Variants in LUC7L2 observed in about 807,000 individuals in gnomAD.
LUC7L2 encodes the protein putative RNA-binding protein Luc7-like 2.
A neutral mutation model predicts 52.8 loss-of-function variants in LUC7L2; 25 were observed. The ratio of observed to expected loss-of-function variants is 0.47; its 90% CI spans 0.34 to 0.66. LUC7L2 has a LOEUF of 0.66. LUC7L2 is among the 30% of genes least tolerant of loss of function. The pLI is 0.01. For synonymous variants in LUC7L2, 144 were observed against 160.9 expected, an observed-to-expected ratio of 0.89 and a Z score of 0.80; for missense variants, 328 against 497.8, an observed-to-expected ratio of 0.66 and a Z score of 3.25.
intron 2 of LUC7L2, among the ~76,000 whole-genome samples, chr7:139,383,885 T>C (rs555587121): frequency 3.2e-4 from 48 of 150,324 alleles, no homozygotes; most frequent in African/African-American, 1.1e-3. Context: ...AGGTGCCCGC[T>C]ACCATGCCTG....
At chr7:139,371,541 G>A in intron 1 of LUC7L2, 1 of 1,449,506 alleles carries the variant, frequency 6.9e-7, no homozygotes, top group Non-Finnish European at 9.3e-7. Context: ...TGTATGGGAG[G>A]GAGAGGGTGG....
chr7:139,355,130 G>T (rs1218765356), upstream of LUC7L2, among the ~76,000 whole-genome samples: 1 of 151,746 alleles, frequency 6.6e-6, no homozygotes, highest in Non-Finnish European at 1.5e-5. Context: ...CAAAGTGTGG[G>T]GATTACAGGT....
intron 6 of LUC7L2, among the ~76,000 whole-genome samples, chr7:139,409,143 A>T (rs554244318): frequency 3.9e-5 from 6 of 152,176 alleles, no homozygotes; most frequent in African/African-American, 1.4e-4. Context: ...TCTAAAAAAA[A>T]AATAATAAGA....
intron 1 of LUC7L2, among the ~76,000 whole-genome samples, chr7:139,369,490 A>T (rs966945213): frequency 1.3e-5 from 2 of 152,196 alleles, no homozygotes; most frequent in African/African-American, 4.8e-5. Flanking sequence ...TATTAATATA[A>T]TGAGAGAAGA....
At chr7:139,350,208 G>A (rs548737673) in intron 1 of LUC7L2, among the ~76,000 whole-genome samples, 25 of 152,010 alleles carry the variant, frequency 1.6e-4, no homozygotes, top group Admixed American at 9.2e-4. Flanking sequence ...TGCAAGCTCC[G>A]CCTCCCGGGT....
At chr7:139,360,454 G>A in intron 1 of LUC7L2, 132 bp downstream of exon 1, 1 of 740,722 alleles carries the variant, frequency 1.4e-6, no homozygotes, top group Non-Finnish European at 2.2e-6. Context: ...CGAGGTCCCC[G>A]TCCCCCGTCC....
At chr7:139,399,768 C>T (rs1240172685) in intron 3 of LUC7L2, among the ~76,000 whole-genome samples, 2 of 151,654 alleles carry the variant, frequency 1.3e-5, no homozygotes, top group African/African-American at 4.8e-5. Context: ...GGCACCCGGC[C>T]GTTTGGGGGA....
chr7:139,360,076 C>A lies in LUC7L2; in HGVS notation c.-186C>A. 1.8e-6 allele frequency: 1 copy of A among 555,006 alleles called. No individual in the cohort carries two copies. The highest frequency in any genetic ancestry group is 3.2e-6 in the Non-Finnish European group (1 of 314,582). The allele number at this position is 555,006 out of a possible 1,614,324, so 34.4% of individuals were successfully genotyped here. Reference sequence around the variant, plus strand: ...CGGGGGCTGTCGTCTTCCACGTACACGTCGTCGTGAGGAGCGCAGTCCGGA... The same window carrying A: ...CGGGGGCTGTCGTCTTCCACGTACAAGTCGTCGTGAGGAGCGCAGTCCGGA... On this transcript the variant is annotated 5_prime_UTR_variant, in exon 1 of 10. Transcript: ENST00000354926.
chr7:139,344,076 T>G (rs1799139118), intron 1 of LUC7L2, among the ~76,000 whole-genome samples: 1 of 152,068 alleles, frequency 6.6e-6, no homozygotes, highest in African/African-American at 2.4e-5. Flanking sequence ...CTCACAGCCT[T>G]GAATACAGAA....
intron 1 of LUC7L2, among the ~76,000 whole-genome samples, chr7:139,345,182 A>G (rs1799212888): frequency 6.6e-6 from 1 of 152,098 alleles, no homozygotes; most frequent in Admixed American, 6.5e-5. Flanking sequence ...TCTACCATTA[A>G]CCAACCTCTG....
rs1179570613 is a variant in LUC7L2, at chr7:139,414,195, GA to G, written c.809+1618del. ...AGCCAGGATGAGCCTTTAAATAAATGAAATACATCACATCAGCCCTCTGATT... is the reference window on the plus strand; with the variant it reads ...AGCCAGGATGAGCCTTTAAATAAATGAATACATCACATCAGCCCTCTGATT... On this transcript the variant is annotated intron_variant, in intron 8 of 9. Transcript: ENST00000354926. Among the ~76,000 whole-genome samples the G allele has an allele frequency of 2.6e-5, 4 of 152,162 alleles. No individual in the cohort carries two copies. In the East Asian group the frequency reaches 7.7e-4, roughly 29 times the overall value.
intron 2 of LUC7L2, among the ~76,000 whole-genome samples, chr7:139,378,574 C>CAAA (rs397756398): frequency 1.3e-5 from 2 of 151,018 alleles, no homozygotes; most frequent in African/African-American, 4.9e-5. Context: ...GACCCTGCCT[C>CAAA]AAAAAAAAGA....
chr7:139,344,641 T>C (rs926459476), intron 1 of LUC7L2, among the ~76,000 whole-genome samples: 4 of 152,056 alleles, frequency 2.6e-5, no homozygotes, highest in African/African-American at 9.7e-5. Context: ...CCTTCATTTG[T>C]TACTATTTAG....
At chr7:139,363,467 C>T (rs1477577413) in intron 1 of LUC7L2, among the ~76,000 whole-genome samples, 1 of 152,132 alleles carries the variant, frequency 6.6e-6, no homozygotes, top group Non-Finnish European at 1.5e-5. Flanking sequence ...GTCACTTAAC[C>T]TTTTTTGCCT....
At chr7:139,363,076 G>A (rs1799968106) in intron 1 of LUC7L2, 1 of 220,184 alleles carries the variant, frequency 4.5e-6, no homozygotes, top group African/African-American at 2.3e-5. Context: ...TGATGGTGCC[G>A]GGAGGCTGGG....
intron 8 of LUC7L2, among the ~76,000 whole-genome samples, chr7:139,415,054 GTTTTTTTTTTTTTTT>G (rs1171809951): frequency 1.8e-5 from 1 of 54,192 alleles, no homozygotes; most frequent in Non-Finnish European, 3.1e-5. Flanking sequence ...GCCCTGCTAA[GTTTTTTTTTTTTTTT>G]TTTTTTTTTT....
chr7:139,382,403 G>GAGAC (rs1444978413), intron 2 of LUC7L2, among the ~76,000 whole-genome samples: 3 of 141,862 alleles, frequency 2.1e-5, no homozygotes, highest in Non-Finnish European at 4.6e-5. Context: ...TTTATTTTTT[G>GAGAC]AGACAGTCTC....
chr7:139,394,635 C>T (rs948643639), intron 2 of LUC7L2, among the ~76,000 whole-genome samples: 1 of 152,032 alleles, frequency 6.6e-6, no homozygotes, highest in Non-Finnish European at 1.5e-5. Context: ...TGTAGTTGAT[C>T]AGGGAACTGA....
chr7:139,387,797 G>A (rs1286250181), intron 2 of LUC7L2, among the ~76,000 whole-genome samples: 1 of 151,912 alleles, frequency 6.6e-6, no homozygotes, highest in Non-Finnish European at 1.5e-5. Flanking sequence ...TGTCATGCAG[G>A]ACTGAAGTGC....
Sources: gnomAD v4.1 joint callset for allele counts (sites outside exome capture counted in the v4.1 genomes callset) on GRCh38, gnomAD v4.1.1 for gene constraint, MANE v1.5 for transcripts, NCBI Gene and HGNC (gene_info 2026-07-23, HGNC 2026-07-21) for gene names.